Variants in CPD observed in about 807,000 individuals in gnomAD.
CPD encodes metallocarboxypeptidase D.
CPD carries 69 observed loss-of-function variants against 138.3 expected under a neutral mutation model. The ratio of observed to expected loss-of-function variants is 0.50; its 90% CI spans 0.41 to 0.61. CPD has a LOEUF of 0.61. Ranked by LOEUF, CPD falls within the 20% of genes least tolerant of loss-of-function variation. The probability of loss-of-function intolerance (pLI) is 0.00; values close to 1 mark genes in which losing one functional copy is unlikely to be tolerated. For synonymous variants in CPD, 651 were observed against 642.1 expected (o/e 1.01, Z -0.21); for missense variants, 1,432 against 1,733.3 (o/e 0.83, Z 3.09).
intron 5 of CPD, 102 bp downstream of exon 5, chr17:30,423,125 T>A: frequency 1.2e-6 from 1 of 856,792 alleles, no homozygotes; most frequent in Non-Finnish European, 1.7e-6. Flanking sequence ...TTTGTATAAC[T>A]GGCATTAAGA....
chr17:30,389,571 G>A (rs1027190813), intron 2 of CPD, among the ~76,000 whole-genome samples: 1 of 152,194 alleles, frequency 6.6e-6, no homozygotes, highest in African/African-American at 2.4e-5. Context: ...GGAAAAAGTT[G>A]TAAAAGGTTA....
At chr17:30,421,524 C>A in intron 3 of CPD, 140 bp from the exon 4 acceptor site, 1 of 701,044 alleles carries the variant, frequency 1.4e-6, no homozygotes, top group Non-Finnish European at 2.4e-6. Context: ...TTTATTTAAA[C>A]TTCAAGGGAT....
chr17:30,392,990 CACTATAA>C (rs1469976206), intron 2 of CPD, among the ~76,000 whole-genome samples: 3 of 152,148 alleles, frequency 2.0e-5, no homozygotes, highest in Non-Finnish European at 4.4e-5. Context: ...CTTCTTAAGC[CACTATAA>C]ACTTGAGGCT....
chr17:30,379,477 G>A lies in CPD; in HGVS notation c.497G>A (p.Arg166His), dbSNP rs749312900. 1 of 1,573,012 alleles carries A rather than the reference G, an allele frequency of 6.4e-7. No individual in the cohort carries two copies. The highest frequency in any genetic ancestry group is 8.6e-7 in the Non-Finnish European group (1 of 1,165,652). The part of the protein sequence containing the change: ...LAAGYRRGDP[R>H]LVRLLNTTDV... ...GCCGGCTACCGCCGCGGGGACCCGCGCCTGGTCCGCCTGCTCAACACCACC... is the reference window on the plus strand; with the variant it reads ...GCCGGCTACCGCCGCGGGGACCCGCACCTGGTCCGCCTGCTCAACACCACC... The change falls in exon 1 of 21, where the codon CGC becomes CAC. Residue 166 changes from arginine to histidine, a missense_variant. Coordinates refer to ENST00000225719, the MANE Select transcript of CPD (RefSeq NM_001304.5). The surrounding 1 kb of genome is among the most constrained non-coding windows in gnomAD (Gnocchi z 7.0).
At chr17:30,450,343 A>G (rs1913134956) in intron 13 of CPD, 1 of 152,372 alleles carries the variant, frequency 6.6e-6, no homozygotes, top group Admixed American at 6.5e-5. Flanking sequence ...TACAGGCGTG[A>G]GCCATGGCGC....
At chr17:30,405,775 T>C (rs1431024000) in intron 2 of CPD, among the ~76,000 whole-genome samples, 1 of 152,100 alleles carries the variant, frequency 6.6e-6, no homozygotes, top group African/African-American at 2.4e-5. Context: ...TTCTCAGCCA[T>C]TTCTCAGAAA....
At chr17:30,429,642 TGG>T (rs1286437567) in intron 7 of CPD, among the ~76,000 whole-genome samples, 2 of 152,088 alleles carry the variant, frequency 1.3e-5, no homozygotes, top group African/African-American at 2.4e-5. Context: ...CAACAGGCAG[TGG>T]GGGAGTTCAT....
chr17:30,403,066 A>G (rs982536965), intron 2 of CPD, among the ~76,000 whole-genome samples: 7 of 152,202 alleles, frequency 4.6e-5, no homozygotes, highest in African/African-American at 9.7e-5. Context: ...AGATAGTGCC[A>G]TTGCACTCCA....
intron 1 of CPD, chr17:30,380,755 C>A: frequency 1.5e-6 from 1 of 688,582 alleles, no homozygotes; most frequent in Non-Finnish European, 2.3e-6. Flanking sequence ...TGAGCTATCT[C>A]CAGAGATGGG....
At chr17:30,391,221 A>G (rs1010713776) in intron 2 of CPD, among the ~76,000 whole-genome samples, 13 of 151,628 alleles carry the variant, frequency 8.6e-5, no homozygotes, top group African/African-American at 2.4e-5. Context: ...AAGACATTGT[A>G]AAAATCATAT....
At chr17:30,457,488 C>T (rs1002939966) in intron 17 of CPD, among the ~76,000 whole-genome samples, 6 of 152,148 alleles carry the variant, frequency 3.9e-5, no homozygotes, top group South Asian at 2.1e-4. Context: ...TCTGTCACTT[C>T]TTTGGGGTAG....
chr17:30,462,457 G>T lies in CPD; in HGVS notation c.3904G>T (p.Val1302Leu). Residue 1302 changes from valine to leucine, a missense_variant, in exon 20 of 21, where the codon GTA (valine) becomes TTA (leucine). Around this residue, in one of 6 missense-constraint regions of CPD, gnomAD observed 366 missense variants for 518.8 expected, o/e 0.71. Transcript: ENST00000225719. ...ATTTGGTTTGCCAAGGGAGCTTGTG[G>T]TAACTGTATCAGGTAAAGACATTTT... The part of the protein sequence containing the change: ...RIFGLPRELV[V>L]TVSGATMSAL... 1 of 1,613,240 alleles carries T rather than the reference G, an allele frequency of 6.2e-7. No individual in the cohort carries two copies. Among genetic ancestry groups the T allele is most frequent in the Non-Finnish European group, 8.5e-7 (1 of 1,179,306 alleles).
At chr17:30,415,163 G>T (rs927312385) in intron 2 of CPD, among the ~76,000 whole-genome samples, 2 of 152,158 alleles carry the variant, frequency 1.3e-5, no homozygotes, top group African/African-American at 4.8e-5. Flanking sequence ...AGTCGTCCTT[G>T]ATTTCTTCCT....
chr17:30,425,532 T>G (rs753008992), intron 6 of CPD, among the ~76,000 whole-genome samples: 1 of 151,874 alleles, frequency 6.6e-6, no homozygotes, highest in Non-Finnish European at 1.5e-5. Context: ...GGTGCACACC[T>G]GTAATTCCAG....
chr17:30,390,327 CTGA>C (rs1911320359), intron 2 of CPD, among the ~76,000 whole-genome samples: 1 of 152,116 alleles, frequency 6.6e-6, no homozygotes, highest in Non-Finnish European at 1.5e-5. Context: ...AGTAATTTTA[CTGA>C]TGTTCTATGT....
At chr17:30,439,558 C>A (rs113934184) in intron 9 of CPD, among the ~76,000 whole-genome samples, 3 of 102,628 alleles carry the variant, frequency 2.9e-5, no homozygotes, top group African/African-American at 1.1e-4. Context: ...TCCCTCCCCC[C>A]TCCCCCCACC....
Position 30,385,147 on chromosome 17 carries a change from T to G in CPD, c.905T>G (p.Met302Arg). 6.2e-7 allele frequency: 1 copy of G among 1,614,058 alleles called. No individual in the cohort carries two copies. The highest frequency in any genetic ancestry group is 8.5e-7 in the Non-Finnish European group (1 of 1,179,978). The change falls in exon 2 of 21, where the codon ATG becomes AGG. Residue 302 changes from methionine to arginine, a missense_variant. By Grantham distance (91) the Met-to-Arg change is moderately conservative. Transcript: ENST00000225719. ...AKAYASNHPI[M>R]KTGEPHCPGD... ...GCTTATGCTTCAAACCACCCCATAA[T>G]GAAAACTGGTGAGCCTCATTGTCCA...
intron 12 of CPD, among the ~76,000 whole-genome samples, chr17:30,446,635 T>C (rs1913038962): frequency 6.6e-6 from 1 of 152,212 alleles, no homozygotes; most frequent in Non-Finnish European, 1.5e-5. Flanking sequence ...ACAATAAACA[T>C]ACGTGTGCAT....
chr17:30,464,303 T>G lies in CPD; in HGVS notation c.3917-285T>G, dbSNP rs541220436. Among the ~76,000 whole-genome samples the G allele has an allele frequency of 3.3e-5, 5 of 151,900 alleles. No homozygotes were observed. In the East Asian group the frequency reaches 9.7e-4, roughly 29 times the overall value. The stretch of plus-strand genomic sequence containing the variant: ...ACTTGGGAGGCTGAGGTGGGAGGAT[T>G]ACACACACACACAAAAGATCTTATA... On this transcript the variant is annotated intron_variant, in intron 20 of 20. Coordinates refer to ENST00000225719, the MANE Select transcript of CPD (RefSeq NM_001304.5).
Sources: allele counts gnomAD v4.1 joint callset (sites outside exome capture counted in the v4.1 genomes callset), GRCh38; gene constraint gnomAD v4.1.1; regional missense constraint gnomAD v4.1.1; non-coding constraint Gnocchi (gnomAD v3.1); transcripts MANE v1.5; gene names NCBI Gene and HGNC (gene_info 2026-07-23, HGNC 2026-07-21).